The following CDC14A variants were observed in gnomAD, a reference collection of about 807,000 sequenced individuals.
CDC14A encodes dual specificity protein phosphatase CDC14A.
A neutral mutation model predicts 74.4 loss-of-function variants in CDC14A; 53 were observed. The observed-to-expected ratio is 0.71, with a 90% CI of 0.57 to 0.89. CDC14A has a LOEUF of 0.89. Among genes scored for constraint, CDC14A ranks in the 40% least tolerant of loss-of-function variants. The pLI, the probability that CDC14A is intolerant of heterozygous loss-of-function variation, is 0.00. For missense variants in CDC14A, 646 were observed against 713.7 expected (o/e 0.91, Z 1.08); for synonymous variants, 247 against 258.4 (o/e 0.96, Z 0.43).
At chr1:100,487,892 G>A (rs1235004054) in intron 11 of CDC14A, among the ~76,000 whole-genome samples, 3 of 152,036 alleles carry the variant, frequency 2.0e-5, no homozygotes, top group African/African-American at 4.8e-5. Context: ...TTCCCTGCTC[G>A]GTGATACTCT....
At chr1:100,474,575 C>G (rs1158793822) in intron 10 of CDC14A, among the ~76,000 whole-genome samples, 1 of 147,850 alleles carries the variant, frequency 6.8e-6, no homozygotes, top group Non-Finnish European at 1.5e-5. Flanking sequence ...TAGTCCGTTT[C>G]ATCTAAATTG....
intron 4 of CDC14A, among the ~76,000 whole-genome samples, chr1:100,420,063 C>CACACATATATATATATATATATATATAT: frequency 0.012 from 751 of 61,524 alleles, 64 homozygotes; most frequent in Non-Finnish European, 0.021. Context: ...CACACACACA[C>CACACATATATATATATATATATATATAT]ATATATATAT....
intron 1 of CDC14A, among the ~76,000 whole-genome samples, chr1:100,345,519 G>C (rs563320420): frequency 1.3e-5 from 2 of 152,072 alleles, no homozygotes; most frequent in African/African-American, 4.8e-5. Context: ...TGGTGGGAGA[G>C]AGATACCTGA....
Position 100,352,810 on chromosome 1 carries a change from G to T in CDC14A, c.-145G>T, listed in dbSNP as rs527604714. On this transcript the variant is annotated 5_prime_UTR_variant, in exon 1 of 16. Transcript: ENST00000336454. Reference sequence around the variant, plus strand: ...GCGCGCTGACCCCGAAGCCGCCTCCGCCTTCGGCGCCTGCTGCCTCCCTCG... The same window carrying T: ...GCGCGCTGACCCCGAAGCCGCCTCCTCCTTCGGCGCCTGCTGCCTCCCTCG... 1 of 1,456,910 alleles carries T rather than the reference G, an allele frequency of 6.9e-7. No individual in the cohort carries two copies. Among genetic ancestry groups the T allele is most frequent in the African/African-American group, 1.4e-5 (1 of 69,024 alleles). 90.2% of individuals were successfully genotyped at this position (1,456,910 alleles called of 1,614,324 possible). A position where few individuals can be genotyped will look rare whatever the true frequency, so the allele number is the denominator to read the frequency against.
At chr1:100,422,757 G>A (rs1490666297) in intron 4 of CDC14A, among the ~76,000 whole-genome samples, 1 of 152,084 alleles carries the variant, frequency 6.6e-6, no homozygotes, top group Non-Finnish European at 1.5e-5. Context: ...TGAATATGGG[G>A]TTTTGTTACT....
intron 10 of CDC14A, among the ~76,000 whole-genome samples, chr1:100,474,886 G>T (rs1199743561): frequency 6.6e-6 from 1 of 151,746 alleles, no homozygotes; most frequent in East Asian, 1.9e-4. Context: ...TCTAGGTGTG[G>T]ATTTCATTGG....
At chr1:100,443,787 C>T (rs1665223872) in intron 7 of CDC14A, among the ~76,000 whole-genome samples, 1 of 152,168 alleles carries the variant, frequency 6.6e-6, no homozygotes, top group Admixed American at 6.5e-5. Flanking sequence ...CAAAGGCTAT[C>T]TCCAAGCTGG....
chr1:100,408,168 T>A (rs376714323), intron 4 of CDC14A, among the ~76,000 whole-genome samples: 1 of 152,178 alleles, frequency 6.6e-6, no homozygotes, highest in African/African-American at 2.4e-5. Context: ...ATATGCAGTA[T>A]TTGGTTTTCT....
chr1:100,470,099 A>G lies in CDC14A; in HGVS notation c.977+2005A>G, dbSNP rs141687735. On this transcript the variant is annotated intron_variant, in intron 10 of 15. Coordinates refer to ENST00000336454, the MANE Select transcript of CDC14A (RefSeq NM_003672.4). ...CAGAGTTCTTAAAGAAACATTGCAT[A>G]TCAAATCCAGCTGTATAAAAAAGAT... Among the ~76,000 whole-genome samples the G allele has an allele frequency of 6.7e-3, 1,026 of 152,320 alleles. 8 individuals carry two copies. The highest frequency in any genetic ancestry group is 0.011 in the Non-Finnish European group (726 of 68,012).
intron 4 of CDC14A, among the ~76,000 whole-genome samples, chr1:100,414,598 A>G (rs1205166315): frequency 1.3e-5 from 2 of 152,118 alleles, no homozygotes; most frequent in South Asian, 2.1e-4. Flanking sequence ...AATGAAGCTC[A>G]TGATATACCC....
chr1:100,505,930 A>G (rs2101464944), intron 15 of CDC14A, among the ~76,000 whole-genome samples: 1 of 152,142 alleles, frequency 6.6e-6, no homozygotes, highest in East Asian at 1.9e-4. Context: ...CTTGTGTATC[A>G]CATGGCAAGA....
At chr1:100,425,800 T>C (rs1170576216) in intron 5 of CDC14A, among the ~76,000 whole-genome samples, 1 of 152,218 alleles carries the variant, frequency 6.6e-6, no homozygotes. Flanking sequence ...CTTTGTAAAA[T>C]ATAATCCTAT....
In CDC14A at chr1:100,412,723, T is replaced by TATATA. The variant is rs1491148182; in HGVS notation, c.310-11499_310-11498insATATA. Among the ~76,000 whole-genome samples the TATATA allele has an allele frequency of 9.2e-4, 77 of 83,710 alleles. 2 individuals are homozygous for TATATA. The highest frequency in any genetic ancestry group is 7.1e-3 in the African/African-American group (70 of 9,908). 54.9% of individuals were successfully genotyped at this position (83,710 alleles called of 152,430 possible). ...ATATATATATATATATATATATATA[T>TATATA]TTTATATATATATATTTTATATATA... On this transcript the variant is annotated intron_variant, in intron 4 of 15. Transcript: ENST00000336454.
intron 15 of CDC14A, among the ~76,000 whole-genome samples, chr1:100,515,503 C>T (rs1046401262): frequency 2.6e-5 from 4 of 151,810 alleles, no homozygotes; most frequent in African/African-American, 9.7e-5. Flanking sequence ...CCTGCCTCAA[C>T]CTCCCGAGTA....
At chr1:100,371,074 G>C (rs376398776) in intron 2 of CDC14A, among the ~76,000 whole-genome samples, 2 of 152,242 alleles carry the variant, frequency 1.3e-5, no homozygotes, top group Admixed American at 6.5e-5. Flanking sequence ...TTGTAACTGG[G>C]ATTACATTTT....
At chr1:100,497,180 A>G (rs1236332164) in intron 13 of CDC14A, among the ~76,000 whole-genome samples, 2 of 152,208 alleles carry the variant, frequency 1.3e-5, no homozygotes, top group Non-Finnish European at 2.9e-5. Context: ...TTGCTTGATG[A>G]GGTAACAGCT....
chr1:100,378,553 A>G (rs1316024884), intron 3 of CDC14A, among the ~76,000 whole-genome samples: 2 of 152,184 alleles, frequency 1.3e-5, no homozygotes, highest in Admixed American at 1.3e-4. Context: ...TTAGGTATAA[A>G]AAGCAGTCTG....
At chr1:100,405,758 T>A (rs763494502) in intron 4 of CDC14A, among the ~76,000 whole-genome samples, 1 of 152,214 alleles carries the variant, frequency 6.6e-6, no homozygotes, top group Non-Finnish European at 1.5e-5. Flanking sequence ...ATGTACCACA[T>A]TTTCTTTATC....
At chr1:100,355,894 A>G (rs1356945917) in intron 2 of CDC14A, among the ~76,000 whole-genome samples, 1 of 152,242 alleles carries the variant, frequency 6.6e-6, no homozygotes, top group Non-Finnish European at 1.5e-5. Flanking sequence ...CCTCTATGCT[A>G]GGAGAGGCAT....
Sources: allele counts gnomAD v4.1 joint callset (sites outside exome capture counted in the v4.1 genomes callset), GRCh38; gene constraint gnomAD v4.1.1; transcripts MANE v1.5; gene names NCBI Gene and HGNC (gene_info 2026-07-23, HGNC 2026-07-21).